The following LRP1B variants were observed in gnomAD, a reference collection of about 807,000 sequenced individuals.
The protein encoded by LRP1B is LDL receptor related protein 1B.
In LRP1B, 217 loss-of-function variants were observed where a neutral mutation model predicts 556.6. The observed-to-expected ratio is 0.39, with a 90% confidence interval of 0.35 to 0.44. The LOEUF (loss-of-function observed/expected upper bound fraction) is 0.44, where lower values mean the gene tolerates loss of function less well. Ranked by LOEUF, LRP1B falls within the 20% of genes least tolerant of loss-of-function variation. The pLI is 1.00. For synonymous variants in LRP1B, 2,047 were observed against 1,865.8 expected (o/e 1.10, Z -2.50); for missense variants, 5,053 against 5,620.8 (o/e 0.90, Z 3.23).
intron 24 of LRP1B, among the ~76,000 whole-genome samples, chr2:140,884,866 C>A (rs1342115519): frequency 6.6e-6 from 1 of 152,076 alleles, no homozygotes; most frequent in African/African-American, 2.4e-5. Flanking sequence ...GTGCACACAA[C>A]CACACCCAGC....
intron 7 of LRP1B, among the ~76,000 whole-genome samples, chr2:141,169,398 T>C (rs1680403551): frequency 6.6e-6 from 1 of 151,990 alleles, no homozygotes; most frequent in African/African-American, 2.4e-5. Flanking sequence ...CAACAAGTTT[T>C]GGAATTTTGT....
At chr2:141,094,749 A>G (rs1281711540) in intron 7 of LRP1B, among the ~76,000 whole-genome samples, 1 of 152,210 alleles carries the variant, frequency 6.6e-6, no homozygotes, top group South Asian at 2.1e-4. Flanking sequence ...CTCAGGCCAT[A>G]CAGCTGTTGT....
intron 37 of LRP1B, among the ~76,000 whole-genome samples, chr2:140,712,572 T>C (rs558659727): frequency 6.6e-6 from 1 of 152,134 alleles, no homozygotes; most frequent in East Asian, 1.9e-4. Flanking sequence ...CCTTTGCCTA[T>C]GAATATGTGC....
chr2:140,985,848 C>T (rs1293039325), intron 17 of LRP1B, among the ~76,000 whole-genome samples: 2 of 150,056 alleles, frequency 1.3e-5, no homozygotes, highest in South Asian at 2.1e-4. Context: ...TTATTTTTTT[C>T]TATATTTGTT....
Position 141,414,097 on chromosome 2 carries a change from T to C in LRP1B, c.343+66299A>G, listed in dbSNP as rs367829262. ...CTAAAAATACAAAAAATTAGCCGGG[T>C]GTGGTGGCGGGTGCCTGTAGTCCCA... On this transcript the variant is annotated intron_variant, in intron 3 of 90. Transcript: ENST00000389484. 7.9e-3 allele frequency among the ~76,000 whole-genome samples: 1,178 copies of C among 148,452 alleles called. 16 individuals carry two copies. Among genetic ancestry groups the C allele is most frequent in the African/African-American group, 0.027 (1,108 of 40,534 alleles).
chr2:140,549,368 T>C (rs956918170), intron 43 of LRP1B, among the ~76,000 whole-genome samples: 1 of 152,094 alleles, frequency 6.6e-6, no homozygotes, highest in African/African-American at 2.4e-5. Context: ...GACTAGAAAT[T>C]TATATTTCTT....
chr2:140,578,070 G>A (rs189509810), intron 43 of LRP1B, among the ~76,000 whole-genome samples: 13 of 152,232 alleles, frequency 8.5e-5, no homozygotes, highest in Admixed American at 7.8e-4. Context: ...TGTTCATGAT[G>A]CATATTTCTA....
chr2:141,893,433 T>G (rs1227584721), intron 1 of LRP1B, among the ~76,000 whole-genome samples: 3 of 152,184 alleles, frequency 2.0e-5, no homozygotes, highest in Non-Finnish European at 4.4e-5. Context: ...ACCCCTGACC[T>G]TAGGTGATCC....
chr2:141,660,565 C>T (rs1045844356), intron 2 of LRP1B, among the ~76,000 whole-genome samples: 2 of 152,068 alleles, frequency 1.3e-5, no homozygotes, highest in African/African-American at 4.8e-5. Flanking sequence ...CAGATTGTGG[C>T]CAGACTACCT....
chr2:140,700,337 T>C lies in LRP1B; in HGVS notation c.6712A>G (p.Thr2238Ala), dbSNP rs1053588392. Residue 2238 changes from threonine (T) to alanine (A), a missense_variant, in exon 41 of 91, where the codon ACC (threonine) becomes GCC (alanine). Thr to Ala is a moderately conservative substitution (Grantham distance 58). Coordinates refer to ENST00000389484, the MANE Select transcript of LRP1B (RefSeq NM_018557.3). ...AFDYNQRRKG[T>A]NRIFYSDAHF... is the part of the protein sequence containing the mutation. Reference sequence around the variant, plus strand: ...GCATCACTGTAAAAGATTCGGTTGGTACCTTTTCTTCTTTGATTATAGTCA... The same window carrying C: ...GCATCACTGTAAAAGATTCGGTTGGCACCTTTTCTTCTTTGATTATAGTCA... 2 of 1,612,966 alleles carry C rather than the reference T, an allele frequency of 1.2e-6. No individual in the cohort carries two copies. Among genetic ancestry groups the C allele is most frequent in the Admixed American group, 1.7e-5 (1 of 59,830 alleles).
intron 3 of LRP1B, among the ~76,000 whole-genome samples, chr2:141,410,003 T>G (rs116353357): frequency 5.9e-5 from 9 of 152,020 alleles, no homozygotes; most frequent in Non-Finnish European, 1.2e-4. Context: ...AAAAGGTAGA[T>G]GGACTAGAGA....
intron 2 of LRP1B, among the ~76,000 whole-genome samples, chr2:141,594,325 A>T (rs1261492284): frequency 6.6e-6 from 1 of 152,164 alleles, no homozygotes; most frequent in East Asian, 1.9e-4. Context: ...AGACCACAAC[A>T]CTGGGAAGGC....
intron 2 of LRP1B, among the ~76,000 whole-genome samples, chr2:141,717,913 G>A (rs1692667065): frequency 6.6e-6 from 1 of 152,190 alleles, no homozygotes; most frequent in South Asian, 2.1e-4. Context: ...AACTATCCAA[G>A]TGTAGCTGAG....
chr2:141,930,989 G>C (rs1700484866), intron 1 of LRP1B, among the ~76,000 whole-genome samples: 1 of 151,946 alleles, frequency 6.6e-6, no homozygotes, highest in Non-Finnish European at 1.5e-5. Flanking sequence ...GCTCTGAGCT[G>C]TTCAGCATGC....
intron 2 of LRP1B, among the ~76,000 whole-genome samples, chr2:141,789,996 A>G (rs1164934555): frequency 1.3e-5 from 2 of 151,920 alleles, no homozygotes; most frequent in Non-Finnish European, 2.9e-5. Context: ...GGTCCATTAG[A>G]GGATTCAAGT....
rs61336155 is a variant in LRP1B at position 140,600,767 on chromosome 2, G to GTTTTTTTTTTTTTTT, written c.6989+668_6989+682dup. On this transcript the variant is annotated intron_variant, in intron 42 of 90. Transcript: ENST00000389484. ...CCTTACCTGTGCTTTGTTCTTCGGG[G>GTTTTTTTTTTTTTTT]TTTTTTTTTTTTTTTTTTTTTTTTT... is the stretch of plus-strand genomic sequence containing the variant. 3.3e-3 allele frequency among the ~76,000 whole-genome samples: 189 copies of GTTTTTTTTTTTTTTT among 56,832 alleles called. 14 individuals carry two copies. The Middle Eastern group carries it at 0.034, about 10-fold the overall frequency. The allele number at this position is 56,832 out of a possible 152,430, so 37.3% of individuals were successfully genotyped here.
At chr2:141,341,479 A>G (rs939440721) in intron 3 of LRP1B, among the ~76,000 whole-genome samples, 7 of 152,024 alleles carry the variant, frequency 4.6e-5, no homozygotes, top group African/African-American at 2.4e-5. Context: ...CCCTCTCTCT[A>G]TGATGTATGA....
At chr2:141,330,221 A>G (rs1687591086) in intron 3 of LRP1B, among the ~76,000 whole-genome samples, 1 of 152,226 alleles carries the variant, frequency 6.6e-6, no homozygotes, top group African/African-American at 2.4e-5. Flanking sequence ...AATCAAATCA[A>G]ATATGTCAAC....
At chr2:140,655,188 A>G (rs1204829998) in intron 41 of LRP1B, among the ~76,000 whole-genome samples, 1 of 152,138 alleles carries the variant, frequency 6.6e-6, no homozygotes, top group Non-Finnish European at 1.5e-5. Context: ...ATAAGGAAAT[A>G]ATTAAAATTT....
Sources: allele counts gnomAD v4.1 joint callset (sites outside exome capture counted in the v4.1 genomes callset), GRCh38; gene constraint gnomAD v4.1.1; transcripts MANE v1.5; gene names NCBI Gene and HGNC (gene_info 2026-07-23, HGNC 2026-07-21).